Variants in CADPS2 observed in about 807,000 individuals in gnomAD.
The protein encoded by CADPS2 is calcium dependent secretion activator 2, also known as calcium-dependent secretion activator 2.
Under a neutral mutation model 172.5 loss-of-function variants are expected in CADPS2, and 93 were observed. That is an observed-to-expected ratio of 0.54 (90% confidence interval 0.46 to 0.64). CADPS2 has a LOEUF of 0.64. Ranked by LOEUF, CADPS2 falls within the 30% of genes least tolerant of loss-of-function variation. The probability of loss-of-function intolerance (pLI) is 0.00; values close to 1 mark genes in which losing one functional copy is unlikely to be tolerated. For synonymous variants in CADPS2, 546 were observed against 555.2 expected (o/e 0.98, Z 0.23); for missense variants, 1,420 against 1,565.9 (o/e 0.91, Z 1.57).
chr7:122,442,898 A>G (rs749514209), intron 15 of CADPS2, among the ~76,000 whole-genome samples: 1 of 152,196 alleles, frequency 6.6e-6, no homozygotes, highest in Non-Finnish European at 1.5e-5. Flanking sequence ...CAAGAAAGCC[A>G]TAACCAATTT....
At chr7:122,843,856 T>A (rs144794886) in intron 1 of CADPS2, among the ~76,000 whole-genome samples, 1 of 151,880 alleles carries the variant, frequency 6.6e-6, no homozygotes, top group South Asian at 2.1e-4. Context: ...GAGGCAAAAG[T>A]GTAAAGTGAA....
chr7:122,655,915 A>C (rs562655271), intron 3 of CADPS2, among the ~76,000 whole-genome samples: 1 of 152,172 alleles, frequency 6.6e-6, no homozygotes, highest in Non-Finnish European at 1.5e-5. Context: ...AAGAGCTTGG[A>C]AGTCATCACT....
chr7:122,645,485 AG>A (rs1229494840), intron 3 of CADPS2, among the ~76,000 whole-genome samples: 19 of 101,702 alleles, frequency 1.9e-4, no homozygotes, highest in South Asian at 3.0e-4. Context: ...ATATATATTT[AG>A]CGTATATATA....
rs913054861 is a variant in CADPS2 at position 122,492,818 on chromosome 7, C to A, written c.1543-1398G>T. Among the ~76,000 whole-genome samples the A allele has an allele frequency of 2.6e-5, 4 of 152,162 alleles. No individual in the cohort carries two copies. The South Asian group carries it at 8.3e-4, about 32-fold the overall frequency. ...GTGATCCAGTGATCCTCCCACTCAG[C>A]CTCCTGAATAGCTGGACCACAGGCA... On this transcript the variant is annotated intron_variant, in intron 9 of 29. Transcript: ENST00000449022.
chr7:122,688,892 G>A (rs2083969723), intron 2 of CADPS2, among the ~76,000 whole-genome samples: 1 of 152,044 alleles, frequency 6.6e-6, no homozygotes, highest in Non-Finnish European at 1.5e-5. Flanking sequence ...GGATACACAG[G>A]TTATATACAT....
chr7:122,518,527 T>C (rs1329133608), intron 8 of CADPS2, among the ~76,000 whole-genome samples: 1 of 152,058 alleles, frequency 6.6e-6, no homozygotes, highest in Non-Finnish European at 1.5e-5. Context: ...AATAAACATA[T>C]AGAAAAATAT....
intron 1 of CADPS2, among the ~76,000 whole-genome samples, chr7:122,760,001 TAC>T (rs1002441217): frequency 1.1e-4 from 17 of 150,332 alleles, no homozygotes; most frequent in South Asian, 8.4e-4. Flanking sequence ...TATATATATA[TAC>T]ACACACACAC....
chr7:122,451,937 T>C (rs947152782), intron 14 of CADPS2, among the ~76,000 whole-genome samples: 1 of 152,284 alleles, frequency 6.6e-6, no homozygotes, highest in African/African-American at 2.4e-5. Context: ...TAGAAATTTT[T>C]GATACATGTA....
intron 1 of CADPS2, among the ~76,000 whole-genome samples, chr7:122,856,491 T>C (rs184105456): frequency 6.6e-6 from 1 of 152,304 alleles, no homozygotes; most frequent in Admixed American, 6.5e-5. Context: ...CCTACACTAC[T>C]AAAATGTCAC....
rs564083907 is a variant in CADPS2, at chr7:122,705,768, G to A, written c.453+31187C>T. ...ATAATATATATAATATATAATATAT[G>A]ATATATTATATAATATATATCATAT... On this transcript the variant is annotated intron_variant, in intron 2 of 29. Coordinates refer to ENST00000449022, the MANE Select transcript of CADPS2 (RefSeq NM_017954.11). 5.4e-4 allele frequency among the ~76,000 whole-genome samples: 5 copies of A among 9,194 alleles called. 1 individual carries two copies. Among genetic ancestry groups the A allele is most frequent in the South Asian group, 3.9e-3 (1 of 254 alleles). 6.0% of individuals were successfully genotyped at this position (9,194 alleles called of 152,430 possible). A position where few individuals can be genotyped will look rare whatever the true frequency, so the allele number is the denominator to read the frequency against.
intron 6 of CADPS2, among the ~76,000 whole-genome samples, chr7:122,585,273 A>G (rs775964878): frequency 8.6e-5 from 13 of 151,996 alleles, no homozygotes; most frequent in Non-Finnish European, 1.9e-4. Flanking sequence ...TATAAGAAAC[A>G]ATAAATAAGA....
Position 122,729,676 on chromosome 7 carries a change from GTT to G in CADPS2, c.453+7277_453+7278del, listed in dbSNP as rs56993717. Among the ~76,000 whole-genome samples the G allele has an allele frequency of 1.9e-3, 183 of 94,230 alleles. 1 individual carries two copies. The highest frequency in any genetic ancestry group is 0.014 in the East Asian group (43 of 3,084). The allele number at this position is 94,230 out of a possible 152,430, so 61.8% of individuals were successfully genotyped here. On this transcript the variant is annotated intron_variant, in intron 2 of 29. Coordinates refer to ENST00000449022, the MANE Select transcript of CADPS2 (RefSeq NM_017954.11). ...TTATGCCCTTTGCCCATTTTTAACG[GTT>G]TTTTTTTTTTTTTTTTTTTACTGTT... is the stretch of plus-strand genomic sequence containing the variant.
intron 2 of CADPS2, among the ~76,000 whole-genome samples, chr7:122,716,063 C>T (rs2089554277): frequency 1.3e-5 from 2 of 152,064 alleles, no homozygotes; most frequent in Non-Finnish European, 2.9e-5. Flanking sequence ...TGTTACTTAG[C>T]TTGATTTACT....
chr7:122,841,251 C>T (rs1243139654), intron 1 of CADPS2, among the ~76,000 whole-genome samples: 1 of 152,028 alleles, frequency 6.6e-6, no homozygotes, highest in African/African-American at 2.4e-5. Flanking sequence ...ATGGAAGAGA[C>T]AAGGCATTGT....
At chr7:122,620,423 T>A (rs1296766182) in intron 5 of CADPS2, among the ~76,000 whole-genome samples, 2 of 152,196 alleles carry the variant, frequency 1.3e-5, no homozygotes, top group African/African-American at 4.8e-5. Flanking sequence ...ATGTCAGGTG[T>A]GTGTGTGTAT....
At chr7:122,626,146 C>T (rs2134099625) in intron 4 of CADPS2, among the ~76,000 whole-genome samples, 1 of 152,174 alleles carries the variant, frequency 6.6e-6, no homozygotes, top group East Asian at 1.9e-4. Context: ...AAGACCAGAT[C>T]ACACAGGACT....
intron 1 of CADPS2, among the ~76,000 whole-genome samples, chr7:122,838,650 T>C (rs941371429): frequency 7.9e-5 from 12 of 151,456 alleles, no homozygotes; most frequent in African/African-American, 1.2e-4. Flanking sequence ...AAACAGAGAG[T>C]CAAATCATGA....
chr7:122,570,776 C>G (rs1352570123), intron 7 of CADPS2, among the ~76,000 whole-genome samples: 2 of 151,920 alleles, frequency 1.3e-5, no homozygotes, highest in Non-Finnish European at 2.9e-5. Flanking sequence ...AGTAAACTAT[C>G]GCAAGGACAA....
At chr7:122,723,479 T>TACC (rs1331931816) in intron 2 of CADPS2, among the ~76,000 whole-genome samples, 1 of 152,122 alleles carries the variant, frequency 6.6e-6, no homozygotes, top group African/African-American at 2.4e-5. Context: ...CACAATGAGA[T>TACC]ACCATCTCAA....
Sources: allele counts gnomAD v4.1 joint callset (sites outside exome capture counted in the v4.1 genomes callset), GRCh38; gene constraint gnomAD v4.1.1; transcripts MANE v1.5; gene names NCBI Gene and HGNC (gene_info 2026-07-23, HGNC 2026-07-21).